The following ARHGEF12 variants were observed in gnomAD, a reference collection of about 807,000 sequenced individuals.
The protein encoded by ARHGEF12 is Rho guanine nucleotide exchange factor 12.
A neutral mutation model predicts 211.2 loss-of-function variants in ARHGEF12; 66 were observed. The observed-to-expected ratio is 0.31, with a 90% CI of 0.26 to 0.38. ARHGEF12 has a LOEUF of 0.38. Ranked by LOEUF, ARHGEF12 falls within the 10% of genes least tolerant of loss-of-function variation. ARHGEF12 has a pLI of 1.00. For synonymous variants in ARHGEF12, 592 were observed against 638.4 expected (o/e 0.93, Z 1.09); for missense variants, 1,429 against 1,869.5 (o/e 0.76, Z 4.34).
intron 25 of ARHGEF12, 49 bp from the exon 26 acceptor site, chr11:120,459,125 A>G (rs1565497953): frequency 1.4e-6 from 2 of 1,468,712 alleles, no homozygotes; most frequent in Non-Finnish European, 9.1e-7. Flanking sequence ...GATTGATCCC[A>G]TGGAATTGTT....
intron 22 of ARHGEF12, among the ~76,000 whole-genome samples, chr11:120,452,889 G>A (rs1290260101): frequency 6.6e-6 from 1 of 152,072 alleles, no homozygotes; most frequent in African/African-American, 2.4e-5. Flanking sequence ...CCAGGTCCTC[G>A]GGAGGCTGAG....
At chr11:120,481,192 A>G in intron 38 of ARHGEF12, 68 bp from the exon 39 acceptor site, 1 of 1,432,244 alleles carries the variant, frequency 7.0e-7, no homozygotes. Context: ...AGTTGTCAGC[A>G]CACTATGCTA....
intron 37 of ARHGEF12, 140 bp downstream of exon 37, chr11:120,478,529 A>T (rs201518877): frequency 1.2e-6 from 1 of 803,816 alleles, no homozygotes; most frequent in African/African-American, 1.7e-5. Context: ...ACAGTGGCCC[A>T]TGCCACAGGC....
At chr11:120,444,793 C>A (rs1189092911) in intron 15 of ARHGEF12, among the ~76,000 whole-genome samples, 1 of 152,092 alleles carries the variant, frequency 6.6e-6, no homozygotes, top group African/African-American at 2.4e-5. Context: ...GGGGAAAATC[C>A]TAGCTAGGAA....
intron 1 of ARHGEF12, chr11:120,385,364 T>C: frequency 1.0e-6 from 1 of 985,386 alleles, no homozygotes; most frequent in Non-Finnish European, 1.2e-6. Flanking sequence ...CGAATGTATA[T>C]ATAAAGAAAA....
At chr11:120,447,422 C>T (rs1196269181) in intron 18 of ARHGEF12, among the ~76,000 whole-genome samples, 1 of 152,044 alleles carries the variant, frequency 6.6e-6, no homozygotes, top group Admixed American at 6.6e-5. Context: ...GAGGGTGAAA[C>T]AGATAAGGTT....
At chr11:120,426,031 T>A (rs907788160) in intron 7 of ARHGEF12, among the ~76,000 whole-genome samples, 1 of 152,160 alleles carries the variant, frequency 6.6e-6, no homozygotes, top group Non-Finnish European at 1.5e-5. Context: ...AACTATGAAA[T>A]TTTTTAAACT....
intron 1 of ARHGEF12, among the ~76,000 whole-genome samples, chr11:120,399,292 G>T (rs958381059): frequency 9.3e-6 from 1 of 107,936 alleles, no homozygotes; most frequent in Non-Finnish European, 1.7e-5. Context: ...CTGCACTCCA[G>T]CCTGAGTGAG....
chr11:120,446,909 T>G, intron 17 of ARHGEF12, 39 bp from the exon 18 acceptor site: 1 of 1,596,230 alleles, frequency 6.3e-7, no homozygotes, highest in Non-Finnish European at 8.5e-7. Context: ...AGGTAGTTTT[T>G]CTTTAGGCTA....
rs1377075186 is a variant in ARHGEF12, at chr11:120,457,163, A to G, written c.2102A>G (p.Asp701Gly). The G allele has an allele frequency of 2.5e-6, 4 of 1,613,932 alleles. No individual in the cohort carries two copies. Among genetic ancestry groups the G allele is most frequent in the Non-Finnish European group, 3.4e-6 (4 of 1,179,984 alleles). ...GETSAPGDTL[D>G]GTPRTLNTVF... ...ACATCAGCACCTGGAGACACCTTAG[A>G]TGGCACACCTCGTACTCTCAATACT... The change falls in exon 23 of 41, where the codon GAT becomes GGT. Residue 701 changes from aspartate to glycine, a missense_variant. Around this residue, in one of 7 missense-constraint regions of ARHGEF12, gnomAD observed 373 missense variants for 467.5 expected, o/e 0.80. Transcript: ENST00000397843.
At chr11:120,425,987 C>A (rs1399706661) in intron 7 of ARHGEF12, among the ~76,000 whole-genome samples, 1 of 152,096 alleles carries the variant, frequency 6.6e-6, no homozygotes, top group Admixed American at 6.6e-5. Flanking sequence ...AATAAACTAA[C>A]TTTTTTCTTG....
intron 4 of ARHGEF12, among the ~76,000 whole-genome samples, chr11:120,415,156 G>C (rs965431689): frequency 6.6e-6 from 1 of 152,114 alleles, no homozygotes; most frequent in African/African-American, 2.4e-5. Context: ...AAGTAAAAGT[G>C]ATGAAAGCTG....
intron 1 of ARHGEF12, among the ~76,000 whole-genome samples, chr11:120,383,593 T>C (rs1027224322): frequency 3.9e-5 from 6 of 152,140 alleles, no homozygotes; most frequent in African/African-American, 1.2e-4. Flanking sequence ...ATCCCTCTCA[T>C]GTGCAGTTCG....
At position 120,406,153 on chromosome 11, in the gene ARHGEF12, C is replaced by A; in HGVS notation, c.56+12C>A. Reference sequence around the variant, plus strand: ...AAAAAACCTATAAGGTAAGTTTGCTCAATTACACTTCATACTCAAGTTTAG... The same window carrying A: ...AAAAAACCTATAAGGTAAGTTTGCTAAATTACACTTCATACTCAAGTTTAG... On this transcript the variant is annotated intron_variant, in intron 2 of 40. Coordinates refer to ENST00000397843, the MANE Select transcript of ARHGEF12 (RefSeq NM_015313.3). 6.6e-7 allele frequency: 1 copy of A among 1,513,366 alleles called. No individual in the cohort carries two copies. Among genetic ancestry groups the A allele is most frequent in the South Asian group, 1.3e-5 (1 of 76,386 alleles). The allele number at this position is 1,513,366 out of a possible 1,614,324, so 93.7% of individuals were successfully genotyped here.
chr11:120,468,353 T>G (rs1484231728), intron 29 of ARHGEF12, among the ~76,000 whole-genome samples: 1 of 152,236 alleles, frequency 6.6e-6, no homozygotes, highest in Non-Finnish European at 1.5e-5. Flanking sequence ...AGTTAGACTG[T>G]GGTTTGGAGG....
intron 27 of ARHGEF12, chr11:120,463,876 A>G (rs921568460): frequency 1.3e-5 from 2 of 152,228 alleles, no homozygotes; most frequent in Non-Finnish European, 2.9e-5. Flanking sequence ...TATGGAAAAC[A>G]TCTTCGTAAA....
At chr11:120,477,622 T>C in intron 36 of ARHGEF12, 96 bp downstream of exon 36, 1 of 1,209,742 alleles carries the variant, frequency 8.3e-7, no homozygotes, top group Middle Eastern at 2.8e-4. Flanking sequence ...CCCAGTGCTT[T>C]GGGAGGTCGA....
At position 120,431,745 on chromosome 11, in the gene ARHGEF12, G is replaced by A. The variant is rs202033486; in HGVS notation, c.784-26G>A. ...AGTTTTCTTTTATGTGTTTGTGTGC[G>A]CGTGTTTTTCTTTCATCTGTTTTAG... On this transcript the variant is annotated intron_variant, in intron 10 of 40. Coordinates refer to ENST00000397843, the MANE Select transcript of ARHGEF12 (RefSeq NM_015313.3). 6.9e-5 allele frequency: 107 copies of A among 1,547,852 alleles called. No individual in the cohort carries two copies. The African/African-American group carries it at 9.6e-4, about 14-fold the overall frequency.
At chr11:120,462,299 G>T (rs577154460) in intron 27 of ARHGEF12, among the ~76,000 whole-genome samples, 1 of 152,282 alleles carries the variant, frequency 6.6e-6, no homozygotes, top group South Asian at 2.1e-4. Flanking sequence ...AGTTGGTGGG[G>T]CGGTCAGAAC....
Sources: allele counts gnomAD v4.1 joint callset (sites outside exome capture counted in the v4.1 genomes callset), GRCh38; gene constraint gnomAD v4.1.1; regional missense constraint gnomAD v4.1.1; transcripts MANE v1.5; gene names NCBI Gene and HGNC (gene_info 2026-07-23, HGNC 2026-07-21).